The following MARCO variants were observed in gnomAD, a reference collection of about 807,000 sequenced individuals.
MARCO encodes macrophage receptor with collagenous structure, also known as macrophage receptor MARCO.
Under a neutral mutation model 70.0 loss-of-function variants are expected in MARCO, and 72 were observed. The ratio of observed to expected loss-of-function variants is 1.03; its 90% CI spans 0.85 to 1.25. The LOEUF (loss-of-function observed/expected upper bound fraction) is 1.25, where lower values mean the gene tolerates loss of function less well. MARCO is among the 50% of genes most tolerant of loss of function. MARCO has a pLI of 0.00. For missense variants in MARCO, 696 were observed against 659.3 expected (o/e 1.06, Z -0.61); for synonymous variants, 273 against 243.1 (o/e 1.12, Z -1.14).
chr2:118,969,045 C>T, intron 1 of MARCO, 115 bp from the exon 2 acceptor site: 1 of 730,990 alleles, frequency 1.4e-6, no homozygotes, highest in Non-Finnish European at 2.4e-6. Flanking sequence ...TGGTGTCTTT[C>T]CCAGCTGACC....
At chr2:118,985,707 G>T (rs1680471977) in intron 12 of MARCO, among the ~76,000 whole-genome samples, 1 of 152,116 alleles carries the variant, frequency 6.6e-6, no homozygotes, top group Non-Finnish European at 1.5e-5. Context: ...TATTTATTTA[G>T]AAATAAGGAA....
intron 1 of MARCO, among the ~76,000 whole-genome samples, chr2:118,954,394 C>T (rs1679788327): frequency 6.6e-6 from 1 of 152,176 alleles, no homozygotes; most frequent in African/African-American, 2.4e-5. Flanking sequence ...ACCCCTATCC[C>T]CCACGGCAGC....
intron 1 of MARCO, among the ~76,000 whole-genome samples, chr2:118,954,446 C>T (rs72836142): frequency 0.011 from 1,729 of 152,286 alleles, 14 homozygotes; most frequent in Non-Finnish European, 0.02. Flanking sequence ...ATCATACATG[C>T]CTAGTCCCAC....
At position 118,994,506 on chromosome 2, in the gene MARCO, G is replaced by C. The variant is rs747463756; in HGVS notation, c.1549G>C (p.Glu517Gln). The C allele has an allele frequency of 6.2e-7, 1 of 1,601,518 alleles. No homozygotes were observed. The highest frequency in any genetic ancestry group is 8.5e-7 in the Non-Finnish European group (1 of 1,173,126). Residue 517 changes from glutamate to glutamine, a missense_variant, in exon 17 of 17, where the codon GAG (glutamate) becomes CAG (glutamine). Around this residue, in one of 3 missense-constraint regions of MARCO, gnomAD observed 58 missense variants for 62.1 expected, o/e 0.93. Coordinates refer to ENST00000327097, the MANE Select transcript of MARCO (RefSeq NM_006770.4). ...DCSHEEDAGV[E>Q]CSV ...CAGCCACGAGGAGGACGCAGGCGTG[G>C]AGTGCAGCGTCTGACCCGGAAACCC...
intron 1 of MARCO, among the ~76,000 whole-genome samples, chr2:118,962,350 G>C (rs1019096752): frequency 1.1e-4 from 17 of 152,124 alleles, no homozygotes; most frequent in African/African-American, 3.9e-4. Context: ...CTATTTATGA[G>C]TATGAAATGT....
At chr2:118,971,368 C>A (rs1315623809) in intron 3 of MARCO, 131 bp from the exon 4 acceptor site, 10 of 880,840 alleles carry the variant, frequency 1.1e-5, no homozygotes, top group Non-Finnish European at 1.9e-5. Flanking sequence ...GTTGTCCAAA[C>A]CCCCACAGTC....
chr2:118,984,756 T>C (rs1199543292), intron 12 of MARCO, among the ~76,000 whole-genome samples: 1 of 152,152 alleles, frequency 6.6e-6, no homozygotes, highest in Non-Finnish European at 1.5e-5. Context: ...AGGCAGAGGG[T>C]GGGAGCCCAA....
At chr2:118,955,956 ACTGTTTAAAT>A (rs143934784) in intron 1 of MARCO, among the ~76,000 whole-genome samples, 27,805 of 151,952 alleles carry the variant, frequency 0.18, 3,310 homozygotes, top group African/African-American at 0.33. Context: ...AAAAACTTGA[ACTGTTTAAAT>A]CTGTTTAAAT....
chr2:118,970,765 C>T (rs533497300), intron 3 of MARCO, among the ~76,000 whole-genome samples: 27 of 152,322 alleles, frequency 1.8e-4, no homozygotes, highest in African/African-American at 6.3e-4. Flanking sequence ...CCCCTTCCCT[C>T]GGTGCTCTCA....
rs70949954 is a variant in MARCO, at chr2:118,986,672, GGAAAGAAAGAAAGAAAGAAAGAAA to G, written c.1064-3888_1064-3865del. Among the ~76,000 whole-genome samples, 280 of 48,666 alleles carry G rather than the reference GGAAAGAAAGAAAGAAAGAAAGAAA, an allele frequency of 5.8e-3. 24 individuals carry two copies. Among genetic ancestry groups the G allele is most frequent in the East Asian group, 0.025 (28 of 1,110 alleles). The allele number at this position is 48,666 out of a possible 152,430, so 31.9% of individuals were successfully genotyped here. A position where few individuals can be genotyped will look rare whatever the true frequency, so the allele number is the denominator to read the frequency against. On this transcript the variant is annotated intron_variant, in intron 12 of 16. Transcript: ENST00000327097. ...AAGAAAGAAGGAAGGAAGGAAGGAA[GGAAAGAAAGAAAGAAAGAAAGAAA>G]GAAAGAAAGAAAGAAAGAAAGAAAG... is the stretch of plus-strand genomic sequence containing the variant.
chr2:118,961,050 C>A (rs997060046), intron 1 of MARCO, among the ~76,000 whole-genome samples: 2 of 152,172 alleles, frequency 1.3e-5, no homozygotes, highest in African/African-American at 4.8e-5. Context: ...CCATCCATGT[C>A]ACTGCAAAGG....
intron 1 of MARCO, among the ~76,000 whole-genome samples, chr2:118,964,410 A>T (rs1269785206): frequency 6.6e-6 from 1 of 152,198 alleles, no homozygotes; most frequent in Admixed American, 6.5e-5. Context: ...TAGTTCTGCC[A>T]GTAAAAGATT....
chr2:118,985,435 T>G (rs1680467155), intron 12 of MARCO, among the ~76,000 whole-genome samples: 2 of 152,272 alleles, frequency 1.3e-5, no homozygotes, highest in Middle Eastern at 3.4e-3. Flanking sequence ...TCCTCTTGTT[T>G]GCATCTCTTG....
In MARCO at chr2:118,986,646, AAAG is replaced by A. The variant is rs1558671577; in HGVS notation, c.1064-3940_1064-3938del. Among the ~76,000 whole-genome samples, 12 of 49,064 alleles carry A rather than the reference AAAG, an allele frequency of 2.4e-4. 1 individual carries two copies. The highest frequency in any genetic ancestry group is 2.4e-3 in the Admixed American group (12 of 5,042). 32.2% of individuals were successfully genotyped at this position (49,064 alleles called of 152,430 possible). ...GAAAGAAAGAAAGAAAGAAAGAAAG[AAAG>A]AAAGAAGGAAGGAAGGAAGGAAGGA... On this transcript the variant is annotated intron_variant, in intron 12 of 16. Transcript: ENST00000327097.
rs778415588 is a variant in MARCO, at chr2:118,981,394, T to A, written c.767-15T>A. The A allele has an allele frequency of 1.9e-6, 3 of 1,565,182 alleles. No individual in the cohort carries two copies. In the East Asian group the frequency reaches 6.7e-5, roughly 35 times the overall value. ...AGTTCCTCCCACAACTAACCAAGAC[T>A]TTTTGGTTTTTCAGGAAGCAAAGGG... On this transcript the variant is annotated splice_polypyrimidine_tract_variant and intron_variant, in intron 8 of 16. Coordinates refer to ENST00000327097, the MANE Select transcript of MARCO (RefSeq NM_006770.4).
At chr2:118,969,054 C>T in intron 1 of MARCO, 106 bp from the exon 2 acceptor site, 1 of 770,076 alleles carries the variant, frequency 1.3e-6, no homozygotes, top group Admixed American at 1.9e-5. Flanking sequence ...TCCCAGCTGA[C>T]CTCACAGGGT....
chr2:118,960,183 T>A (rs186626905), intron 1 of MARCO, among the ~76,000 whole-genome samples: 203 of 152,096 alleles, frequency 1.3e-3, no homozygotes, highest in Non-Finnish European at 2.0e-3. Flanking sequence ...ATGGTTTATG[T>A]AGATGGTCAT....
chr2:118,960,151 CT>C (rs949043287), intron 1 of MARCO, among the ~76,000 whole-genome samples: 199 of 151,212 alleles, frequency 1.3e-3, no homozygotes, highest in African/African-American at 4.5e-3. Context: ...AAAAATAAAA[CT>C]TTTTTTGTAG....
intron 16 of MARCO, 43 bp downstream of exon 16, chr2:118,993,343 G>A (rs1413132131): frequency 6.3e-7 from 1 of 1,592,366 alleles, no homozygotes; most frequent in East Asian, 2.2e-5. Context: ...CAGAGGTGTG[G>A]ATGTGGCTTT....
Sources: gnomAD v4.1 joint callset for allele counts (sites outside exome capture counted in the v4.1 genomes callset) on GRCh38, gnomAD v4.1.1 for gene constraint, gnomAD v4.1.1 regional missense constraint, MANE v1.5 for transcripts, NCBI Gene and HGNC (gene_info 2026-07-23, HGNC 2026-07-21) for gene names.